COL13A1: variants seen among roughly 807,000 people sequenced by gnomAD.
COL13A1 encodes the protein collagen alpha-1(XIII) chain.
A neutral mutation model predicts 130.9 loss-of-function variants in COL13A1; 89 were observed. That is an observed-to-expected ratio of 0.68 (90% CI 0.57 to 0.81). The LOEUF is 0.81. COL13A1 is among the 30% of genes least tolerant of loss of function. COL13A1 has a pLI of 0.00. For missense variants in COL13A1, 879 were observed against 934.6 expected (o/e 0.94, Z 0.78); for synonymous variants, 402 against 341.6 (o/e 1.18, Z -1.95).
intron 4 of COL13A1, 145 bp from the exon 5 acceptor site, chr10:69,874,983 T>G: frequency 1.2e-6 from 1 of 869,102 alleles, no homozygotes; most frequent in South Asian, 1.6e-5. Flanking sequence ...ACCTACATGA[T>G]GCTTGGGCAT....
intron 2 of COL13A1, among the ~76,000 whole-genome samples, chr10:69,835,315 G>A (rs998994745): frequency 4.6e-5 from 7 of 152,202 alleles, no homozygotes; most frequent in African/African-American, 1.7e-4. Context: ...CGCGACCTCT[G>A]CTTGGGCAGT....
chr10:69,934,762 A>G (rs745764813), intron 31 of COL13A1, among the ~76,000 whole-genome samples: 2 of 152,252 alleles, frequency 1.3e-5, no homozygotes, highest in Non-Finnish European at 2.9e-5. Context: ...AGAGACCAGC[A>G]GTCCCCATCC....
At chr10:69,919,255 C>T (rs1243526086) in intron 20 of COL13A1, among the ~76,000 whole-genome samples, 167 bp downstream of exon 20, 5 of 152,178 alleles carry the variant, frequency 3.3e-5, no homozygotes, top group African/African-American at 7.2e-5. Context: ...GCAAATGCCT[C>T]CCCCTCCCTG....
At chr10:69,923,161 G>A (rs150076396) in intron 23 of COL13A1, among the ~76,000 whole-genome samples, 195 of 152,330 alleles carry the variant, frequency 1.3e-3, no homozygotes, top group African/African-American at 4.6e-3. Flanking sequence ...CTGAGCAAGG[G>A]ACCAATGGCT....
Position 69,822,377 on chromosome 10 carries a change from G to A in COL13A1, c.303G>A (p.Lys101=), listed in dbSNP as rs1240182355. ...TCTGTCTCCTTGTACAGAAATGGAAGCTCCACTCAAGGAGGCGCCGGGAGG... is the reference window on the plus strand; with the variant it reads ...TCTGTCTCCTTGTACAGAAATGGAAACTCCACTCAAGGAGGCGCCGGGAGG... ...RVNQLLDEKW[K]LHSRRRREAP... The change falls in exon 2 of 41, where the codon AAG becomes AAA. Residue 101 remains lysine (K), a synonymous_variant. Transcript: ENST00000645393. The A allele has an allele frequency of 1.1e-5, 17 of 1,584,978 alleles. No individual in the cohort carries two copies. The South Asian group carries it at 1.6e-4, about 15-fold the overall frequency.
chr10:69,905,868 A>C, intron 17 of COL13A1, 46 bp downstream of exon 17: 1 of 1,604,624 alleles, frequency 6.2e-7, no homozygotes, highest in Non-Finnish European at 8.5e-7. Context: ...CTTTGGACAA[A>C]TCAGTGGCCT....
In COL13A1 at chr10:69,810,425, G is replaced by A. The variant is rs576620810; in HGVS notation, c.294+7708G>A. Among the ~76,000 whole-genome samples, 16 of 144,410 alleles carry A rather than the reference G, an allele frequency of 1.1e-4. No individual in the cohort carries two copies. The South Asian group carries it at 3.5e-3, about 32-fold the overall frequency. The allele number at this position is 144,410 out of a possible 152,430, so 94.7% of individuals were successfully genotyped here. A position where few individuals can be genotyped will look rare whatever the true frequency, so the allele number is the denominator to read the frequency against. On this transcript the variant is annotated intron_variant, in intron 1 of 40. Transcript: ENST00000645393. ...CAGTGCCTGGAGCTCCCTGTACAGT[G>A]AAACCCAGACCCCCTTACCCGGGTC...
At chr10:69,937,754 G>A in intron 34 of COL13A1, 39 bp downstream of exon 34, 1 of 925,622 alleles carries the variant, frequency 1.1e-6, no homozygotes, top group Non-Finnish European at 1.8e-6. Flanking sequence ...TGGGTTTGAT[G>A]GGCCAGGGGT....
At chr10:69,807,218 C>A (rs1215360868) in intron 1 of COL13A1, among the ~76,000 whole-genome samples, 1 of 152,164 alleles carries the variant, frequency 6.6e-6, no homozygotes, top group African/African-American at 2.4e-5. Context: ...CACTATATCT[C>A]TTTCAATCCT....
At chr10:69,939,609 C>A (rs1165179996) in intron 34 of COL13A1, among the ~76,000 whole-genome samples, 1 of 152,184 alleles carries the variant, frequency 6.6e-6, no homozygotes, top group Non-Finnish European at 1.5e-5. Context: ...GGAGTGTTCC[C>A]CCATTTGCCC....
rs1321950704 is a variant in COL13A1 at position 69,930,406 on chromosome 10, C to T, written c.1537C>T (p.Arg513Cys). ...PPGHDGEKGPRGKPGDMGPPG... is the reference protein window; with the variant it reads ...PPGHDGEKGPCGKPGDMGPPG... ...TTTTTGGTATTTTCTAAAGGGACCT[C>T]GCGGTAAACCAGGAGACATGGGCCC... The change falls in exon 30 of 41, where the codon CGC (arginine) becomes TGC (cysteine). Residue 513 changes from arginine (R) to cysteine (C), a missense_variant. Physicochemically the swap from Arg to Cys is radical, Grantham distance 180. Around this residue, in one of 3 missense-constraint regions of COL13A1, gnomAD observed 715 missense variants for 721.0 expected, o/e 0.99. Transcript: ENST00000645393. 12 of 1,603,702 alleles carry T rather than the reference C, an allele frequency of 7.5e-6. No homozygotes were observed. The highest frequency in any genetic ancestry group is 2.7e-5 in the African/African-American group (2 of 73,774).
intron 2 of COL13A1, among the ~76,000 whole-genome samples, chr10:69,853,050 C>T (rs1855405071): frequency 6.6e-6 from 1 of 152,184 alleles, no homozygotes; most frequent in African/African-American, 2.4e-5. Context: ...CTCTGTGCAG[C>T]CCAGCAGTGG....
At chr10:69,945,043 G>A (rs754102935) in intron 36 of COL13A1, among the ~76,000 whole-genome samples, 3 of 152,252 alleles carry the variant, frequency 2.0e-5, no homozygotes, top group Non-Finnish European at 4.4e-5. Context: ...GGTGGAGGGT[G>A]TCAGCTGAGT....
intron 1 of COL13A1, among the ~76,000 whole-genome samples, chr10:69,822,061 A>G (rs1057180739): frequency 6.6e-6 from 1 of 152,190 alleles, no homozygotes; most frequent in Non-Finnish European, 1.5e-5. Flanking sequence ...AAAGCATGTC[A>G]TTGTGCACAT....
Position 69,937,637 on chromosome 10 carries a change from G to A in COL13A1, c.1800G>A (p.Gly600=), listed in dbSNP as rs2067108534. 6.7e-7 allele frequency: 1 copy of A among 1,495,520 alleles called. No homozygotes were observed. The highest frequency in any genetic ancestry group is 1.1e-5 in the South Asian group (1 of 88,492). The allele number at this position is 1,495,520 out of a possible 1,614,324, so 92.6% of individuals were successfully genotyped here. A position where few individuals can be genotyped will look rare whatever the true frequency, so the allele number is the denominator to read the frequency against. ...PGLQGVPGPK[G]EAGLDGAKGE... The stretch of plus-strand genomic sequence containing the variant: ...CGTCCCCTCTCCCTTTCCTCCAGGG[G>A]GAAGCAGGACTAGATGGAGCAAAAG... Residue 600 remains glycine, a splice_region_variant and synonymous_variant, in exon 34 of 41, where the codon GGG becomes GGA. Coordinates refer to ENST00000645393, the MANE Select transcript of COL13A1 (RefSeq NM_001368882.1).
chr10:69,945,682 A>G lies in COL13A1; in HGVS notation c.1980A>G (p.Gly660=), dbSNP rs1456680141. 1 of 1,613,090 alleles carries G rather than the reference A, an allele frequency of 6.2e-7. No individual in the cohort carries two copies. Among genetic ancestry groups the G allele is most frequent in the East Asian group, 2.2e-5 (1 of 44,844 alleles). The part of the protein sequence containing the change: ...AGPKGERGSK[G]DPGMTGPTGA... ...TTCTCCCATTTCAGGGCAGCAAAGG[A>G]GACCCTGGGATGACAGGACCAACGG... is the stretch of plus-strand genomic sequence containing the variant. The change falls in exon 37 of 41, where the codon GGA becomes GGG. Residue 660 remains glycine, a synonymous_variant. Coordinates refer to ENST00000645393, the MANE Select transcript of COL13A1 (RefSeq NM_001368882.1).
chr10:69,905,491 G>A (rs990866412), intron 16 of COL13A1, among the ~76,000 whole-genome samples: 3 of 152,178 alleles, frequency 2.0e-5, no homozygotes, highest in African/African-American at 7.2e-5. Context: ...AAAGTGACTT[G>A]TCCATGTTCA....
intron 2 of COL13A1, among the ~76,000 whole-genome samples, chr10:69,834,704 T>C (rs971960594): frequency 1.3e-5 from 2 of 152,134 alleles, no homozygotes; most frequent in Non-Finnish European, 2.9e-5. Context: ...GCCAGCGCCT[T>C]TGCCCTCCGG....
At chr10:69,948,359 C>A (rs751137555) in intron 38 of COL13A1, among the ~76,000 whole-genome samples, 2 of 152,186 alleles carry the variant, frequency 1.3e-5, no homozygotes, top group Non-Finnish European at 2.9e-5. Context: ...AACTCAAGAT[C>A]TATTTACTGA....
Sources: gnomAD v4.1 joint callset for allele counts (sites outside exome capture counted in the v4.1 genomes callset) on GRCh38, gnomAD v4.1.1 for gene constraint, gnomAD v4.1.1 regional missense constraint, MANE v1.5 for transcripts, NCBI Gene and HGNC (gene_info 2026-07-23, HGNC 2026-07-21) for gene names.